ICE2: variants seen among roughly 807,000 people sequenced by gnomAD.
ICE2 encodes little elongation complex subunit 2.
In ICE2, 87 loss-of-function variants were observed where a neutral mutation model predicts 105.4. The ratio of observed to expected loss-of-function variants is 0.83; its 90% CI spans 0.69 to 0.99. ICE2 has a LOEUF of 0.99. Among genes scored for constraint, ICE2 ranks in the 50% least tolerant of loss-of-function variants. The probability of loss-of-function intolerance (pLI) is 0.00; values close to 1 mark genes in which losing one functional copy is unlikely to be tolerated. For missense variants in ICE2, 1,323 were observed against 1,146.7 expected, an observed-to-expected ratio of 1.15 and a Z score of -2.22; for synonymous variants, 399 against 392.0, an observed-to-expected ratio of 1.02 and a Z score of -0.21.
intron 7 of ICE2, 26 bp from the exon 8 acceptor site, chr15:60,455,188 C>T: frequency 6.5e-7 from 1 of 1,544,826 alleles, no homozygotes; most frequent in Non-Finnish European, 8.7e-7. Context: ...TAATTTGTTA[C>T]TTGGTTATAC....
chr15:60,429,629 G>T (rs114373918), intron 14 of ICE2, among the ~76,000 whole-genome samples: 2,660 of 152,156 alleles, frequency 0.017, 80 homozygotes, highest in African/African-American at 0.056. Context: ...AATATATTAT[G>T]AAAAAATAAA....
At chr15:60,443,966 G>A (rs1316051493) in intron 11 of ICE2, among the ~76,000 whole-genome samples, 2 of 151,960 alleles carry the variant, frequency 1.3e-5, no homozygotes, top group Non-Finnish European at 1.5e-5. Flanking sequence ...GCTGGGCATG[G>A]GGCACATGCT....
At position 60,455,177 on chromosome 15, in the gene ICE2, G is replaced by A. The variant is rs2064071179; in HGVS notation, c.784-15C>T. ...TTACTAATATCCTGAAAAACAACAA[G>A]TAATTTGTTACTTGGTTATACTTAT... On this transcript the variant is annotated splice_polypyrimidine_tract_variant and intron_variant, in intron 7 of 15. Coordinates refer to ENST00000261520, the MANE Select transcript of ICE2 (RefSeq NM_024611.6). 2 of 1,558,646 alleles carry A rather than the reference G, an allele frequency of 1.3e-6. No homozygotes were observed. The highest frequency in any genetic ancestry group is 1.4e-5 in the African/African-American group (1 of 72,456).
intron 11 of ICE2, among the ~76,000 whole-genome samples, chr15:60,446,665 G>A (rs1010616162): frequency 9.9e-5 from 15 of 152,132 alleles, no homozygotes; most frequent in Admixed American, 7.2e-4. Context: ...AAAGTGCTGG[G>A]ATTACAGGTG....
chr15:60,452,127 A>T (rs2063981306), intron 9 of ICE2: 2 of 984,878 alleles, frequency 2.0e-6, no homozygotes, highest in Non-Finnish European at 2.4e-6. Flanking sequence ...TCACCTCAAT[A>T]TAAGTTTTAG....
At chr15:60,469,621 A>C (rs1413338549) in intron 3 of ICE2, among the ~76,000 whole-genome samples, 1 of 152,214 alleles carries the variant, frequency 6.6e-6, no homozygotes, top group Non-Finnish European at 1.5e-5. Context: ...TCTTTCAAAG[A>C]TCAAGTATAA....
Position 60,478,070 on chromosome 15 carries a change from C to T in ICE2, c.-92-1G>A. The T allele has an allele frequency of 8.3e-7, 1 of 1,202,890 alleles. No individual in the cohort carries two copies. Among genetic ancestry groups the T allele is most frequent in the Non-Finnish European group, 1.2e-6 (1 of 811,106 alleles). 74.5% of individuals were successfully genotyped at this position (1,202,890 alleles called of 1,614,324 possible). Reference sequence around the variant, plus strand: ...CAGGATCCCTCCAGAACTTACTCAGCTGAGTAAAAACAAAAGGCCAAGATC... The same window carrying T: ...CAGGATCCCTCCAGAACTTACTCAGTTGAGTAAAAACAAAAGGCCAAGATC... On this transcript the variant is annotated splice_acceptor_variant, in intron 1 of 15. Transcript: ENST00000261520. LOFTEE classifies it low-confidence loss of function (5UTR_SPLICE).
Position 60,423,560 on chromosome 15 carries a change from TTTTCCC to T in ICE2, c.*68_*73del. ...AAATGTTCCTCTTGCCTACTGATTATTTTCCCTCAAACTTATCTAAATTAAACACTG... is the reference window on the plus strand; with the variant it reads ...AAATGTTCCTCTTGCCTACTGATTATTCAAACTTATCTAAATTAAACACTG... On this transcript the variant is annotated 3_prime_UTR_variant, in exon 16 of 16. Transcript: ENST00000261520. 1 of 1,403,180 alleles carries T rather than the reference TTTTCCC, an allele frequency of 7.1e-7. No homozygotes were observed. The highest frequency in any genetic ancestry group is 1.4e-5 in the South Asian group (1 of 69,834). 86.9% of individuals were successfully genotyped at this position (1,403,180 alleles called of 1,614,324 possible). A position where few individuals can be genotyped will look rare whatever the true frequency, so the allele number is the denominator to read the frequency against.
At chr15:60,474,901 A>G (rs913438827) in intron 3 of ICE2, among the ~76,000 whole-genome samples, 2 of 152,146 alleles carry the variant, frequency 1.3e-5, no homozygotes, top group Non-Finnish European at 2.9e-5. Flanking sequence ...TTGGAGAATC[A>G]CTTGAAGCCA....
rs1425301397 is a variant in ICE2, at chr15:60,456,540, C to CAAAAAAAAAAAAA, written c.666+116_666+117insTTTTTTTTTTTTT. 10 of 36,518 alleles carry CAAAAAAAAAAAAA rather than the reference C, an allele frequency of 2.7e-4. 4 individuals carry two copies. Among genetic ancestry groups the CAAAAAAAAAAAAA allele is most frequent in the East Asian group, 8.2e-3 (2 of 244 alleles). The allele number at this position is 36,518 out of a possible 1,614,324, so 2.3% of individuals were successfully genotyped here. A position where few individuals can be genotyped will look rare whatever the true frequency, so the allele number is the denominator to read the frequency against. ...GGCGACGAGAGAGAGACTCTGTCTC[C>CAAAAAAAAAAAAA]AAAAAAAAAAATAAATAAATAAATA... On this transcript the variant is annotated intron_variant, in intron 6 of 15. Transcript: ENST00000261520.
rs1461014259 is a variant in ICE2, at chr15:60,421,824, T to C, written c.*1810A>G. 6.6e-6 allele frequency: 1 copy of C among 152,160 alleles called. No homozygotes were observed. The allele number at this position is 152,160 out of a possible 1,614,324, so 9.4% of individuals were successfully genotyped here. Reference sequence around the variant, plus strand: ...AGGGAATGGCAGGATGAGGAAATGATTTATCAAGATACAATTTTACTAATA... The same window carrying C: ...AGGGAATGGCAGGATGAGGAAATGACTTATCAAGATACAATTTTACTAATA... On this transcript the variant is annotated 3_prime_UTR_variant, in exon 16 of 16. Coordinates refer to ENST00000261520, the MANE Select transcript of ICE2 (RefSeq NM_024611.6).
At chr15:60,432,128 A>C in intron 13 of ICE2, 144 bp from the exon 14 acceptor site, 1 of 337,166 alleles carries the variant, frequency 3.0e-6, no homozygotes, top group Non-Finnish European at 5.5e-6. Context: ...TCTGAAACTT[A>C]TTTCTATTTG....
At chr15:60,478,326 C>G (rs1309509192) in intron 1 of ICE2, among the ~76,000 whole-genome samples, 2 of 152,210 alleles carry the variant, frequency 1.3e-5, no homozygotes, top group African/African-American at 4.8e-5. Context: ...GAACGGTGTT[C>G]TCATTGCTTA....
At chr15:60,430,232 C>T (rs2063426782) in intron 14 of ICE2, among the ~76,000 whole-genome samples, 1 of 152,132 alleles carries the variant, frequency 6.6e-6, no homozygotes, top group Non-Finnish European at 1.5e-5. Flanking sequence ...AGAGATGCGA[C>T]TTAACTTGGC....
chr15:60,448,795 T>C, intron 10 of ICE2, 53 bp downstream of exon 10: 2 of 1,469,012 alleles, frequency 1.4e-6, no homozygotes, highest in Non-Finnish European at 1.8e-6. Flanking sequence ...GAGAAAAACC[T>C]AAGGAAAAAG....
chr15:60,474,938 C>A (rs1195642777), intron 3 of ICE2, among the ~76,000 whole-genome samples: 1 of 151,996 alleles, frequency 6.6e-6, no homozygotes, highest in Non-Finnish European at 1.5e-5. Context: ...CGGGGCAACA[C>A]AGCAAGACCA....
At chr15:60,437,201 G>A (rs1260681669) in intron 12 of ICE2, among the ~76,000 whole-genome samples, 1 of 151,904 alleles carries the variant, frequency 6.6e-6, no homozygotes, top group Non-Finnish European at 1.5e-5. Flanking sequence ...GTTGCAGTGA[G>A]CCGATACAGT....
chr15:60,442,630 T>C, intron 11 of ICE2, 85 bp from the exon 12 acceptor site: 1 of 1,029,094 alleles, frequency 9.7e-7, no homozygotes, highest in Non-Finnish European at 1.4e-6. Context: ...TTTGCCACTT[T>C]CAAAATGCTT....
At chr15:60,443,907 G>C (rs2141041616) in intron 11 of ICE2, among the ~76,000 whole-genome samples, 1 of 151,368 alleles carries the variant, frequency 6.6e-6, no homozygotes, top group East Asian at 1.9e-4. Flanking sequence ...TAGCCTGGAT[G>C]AAACAGCAAG....
Sources: gnomAD v4.1 joint callset for allele counts (sites outside exome capture counted in the v4.1 genomes callset) on GRCh38, gnomAD v4.1.1 for gene constraint, MANE v1.5 for transcripts, NCBI Gene and HGNC (gene_info 2026-07-23, HGNC 2026-07-21) for gene names.